The following LRRIQ1 variants were observed in gnomAD, a reference collection of about 807,000 sequenced individuals.
The protein encoded by LRRIQ1 is leucine rich repeats and IQ motif containing 1, also known as leucine-rich repeat- and IQ domain-containing protein 1.
A neutral mutation model predicts 211.9 loss-of-function variants in LRRIQ1; 210 were observed. The observed-to-expected ratio is 0.99, with a 90% confidence interval of 0.89 to 1.11. The LOEUF (loss-of-function observed/expected upper bound fraction) is 1.11. Ranked by LOEUF, LRRIQ1 falls within the 50% of genes most tolerant of loss-of-function variation. The probability of loss-of-function intolerance (pLI) is 0.00; values close to 1 mark genes in which losing one functional copy is unlikely to be tolerated. For missense variants in LRRIQ1, 2,136 were observed against 1,939.5 expected, an observed-to-expected ratio of 1.10 and a Z score of -1.90; for synonymous variants, 699 against 650.1, an observed-to-expected ratio of 1.08 and a Z score of -1.14.
At chr12:85,078,630 C>T (rs961490616) in intron 11 of LRRIQ1, among the ~76,000 whole-genome samples, 1 of 151,982 alleles carries the variant, frequency 6.6e-6, no homozygotes, top group Non-Finnish European at 1.5e-5. Context: ...TTACATGTTT[C>T]TGTTAAATTG....
intron 11 of LRRIQ1, among the ~76,000 whole-genome samples, chr12:85,087,714 A>G (rs551774504): frequency 3.3e-5 from 5 of 152,190 alleles, no homozygotes; most frequent in African/African-American, 1.2e-4. Flanking sequence ...GCATTTTTTC[A>G]TGTGTCTGTT....
At chr12:85,185,579 TTTA>T (rs1017690234) in intron 24 of LRRIQ1, among the ~76,000 whole-genome samples, 59 of 152,046 alleles carry the variant, frequency 3.9e-4, no homozygotes, top group African/African-American at 1.2e-3. Context: ...GTTTTAAACA[TTTA>T]TTATTAAATT....
At position 85,245,039 on chromosome 12, in the gene LRRIQ1, T is replaced by G. The variant is rs1593021005; in HGVS notation, c.*98T>G. On this transcript the variant is annotated 3_prime_UTR_variant, in exon 27 of 27. Coordinates refer to ENST00000393217, the MANE Select transcript of LRRIQ1 (RefSeq NM_001079910.2). ...ACCTGAACTGCCCAAAAATGTGTAT[T>G]TAAATTTTTTCTTTCTTTAAATATC... 1.4e-6 allele frequency: 2 copies of G among 1,436,762 alleles called. No homozygotes were observed. The highest frequency in any genetic ancestry group is 1.8e-6 in the Non-Finnish European group (2 of 1,086,874). The allele number at this position is 1,436,762 out of a possible 1,614,324, so 89.0% of individuals were successfully genotyped here. A position where few individuals can be genotyped will look rare whatever the true frequency, so the allele number is the denominator to read the frequency against.
chr12:85,131,025 C>T (rs751171963), intron 18 of LRRIQ1, among the ~76,000 whole-genome samples: 7 of 146,328 alleles, frequency 4.8e-5, no homozygotes, highest in South Asian at 2.2e-4. Context: ...GTCTGGCCAA[C>T]GTGGTGAAAC....
intron 24 of LRRIQ1, among the ~76,000 whole-genome samples, chr12:85,214,956 C>A (rs573521778): frequency 6.6e-6 from 1 of 152,120 alleles, no homozygotes; most frequent in South Asian, 2.1e-4. Context: ...GCACTCACAT[C>A]CAGTATAAAT....
intron 19 of LRRIQ1, among the ~76,000 whole-genome samples, chr12:85,139,706 A>G (rs961190440): frequency 1.3e-5 from 2 of 151,504 alleles, no homozygotes; most frequent in African/African-American, 2.4e-5. Flanking sequence ...TTGTAGAGAC[A>G]GAACACTATT....
Position 85,124,276 on chromosome 12 carries a change from A to C in LRRIQ1, c.3764A>C (p.Glu1255Ala), listed in dbSNP as rs752002807. ...GGAGTCTTCTACTCTTGTGCACGTG[A>C]AGGTGAGCCAGACTCACCAGATATT... ...QNGVFYSCAR[E>A]GEPDSPDIPE... The change falls in exon 17 of 27, where the codon GAA becomes GCA. Residue 1255 changes from glutamate (E) to alanine (A), a missense_variant. By Grantham distance (107) the Glu-to-Ala change is moderately radical. Transcript: ENST00000393217. 2 of 1,614,028 alleles carry C rather than the reference A, an allele frequency of 1.2e-6. No homozygotes were observed.
intron 24 of LRRIQ1, among the ~76,000 whole-genome samples, chr12:85,213,636 T>C (rs948218348): frequency 7.9e-5 from 12 of 151,988 alleles, no homozygotes; most frequent in African/African-American, 2.4e-4. Flanking sequence ...TTATGCAGGG[T>C]GTTTTCTGAA....
intron 19 of LRRIQ1, among the ~76,000 whole-genome samples, chr12:85,141,372 G>A (rs1404547623): frequency 6.6e-6 from 1 of 151,134 alleles, no homozygotes; most frequent in Non-Finnish European, 1.5e-5. Context: ...TTACTCTGCT[G>A]GTGGATTTCT....
intron 25 of LRRIQ1, among the ~76,000 whole-genome samples, chr12:85,231,402 C>T (rs1260175795): frequency 2.6e-5 from 4 of 152,012 alleles, no homozygotes; most frequent in African/African-American, 9.7e-5. Context: ...TTTTATCTTA[C>T]TAAGTATTCA....
At chr12:85,094,022 G>A (rs1053962150) in intron 11 of LRRIQ1, among the ~76,000 whole-genome samples, 1 of 152,100 alleles carries the variant, frequency 6.6e-6, no homozygotes, top group Non-Finnish European at 1.5e-5. Context: ...AAATGATGGT[G>A]GCCTTAAAAG....
At chr12:85,195,820 G>C (rs1394981926) in intron 24 of LRRIQ1, among the ~76,000 whole-genome samples, 4 of 152,216 alleles carry the variant, frequency 2.6e-5, no homozygotes, top group Non-Finnish European at 5.9e-5. Context: ...TGGAAATTCT[G>C]ACCAGGGCAA....
Position 85,148,288 on chromosome 12 carries a change from A to G in LRRIQ1, c.4330-3992A>G, listed in dbSNP as rs1054096491. Among the ~76,000 whole-genome samples, 3 of 151,630 alleles carry G rather than the reference A, an allele frequency of 2.0e-5. No homozygotes were observed. In the East Asian group the frequency reaches 5.9e-4, roughly 30 times the overall value. On this transcript the variant is annotated intron_variant, in intron 19 of 26. Transcript: ENST00000393217. ...TGCACCTATTGACCTGTCCTCACAG[A>G]TCCCTCTCCTTGCCTCCCCACCCAC...
downstream of LRRIQ1, among the ~76,000 whole-genome samples, chr12:85,248,997 CA>C (rs1440244800): frequency 6.6e-6 from 1 of 151,578 alleles, no homozygotes; most frequent in Non-Finnish European, 1.5e-5. Flanking sequence ...TAATAAGTAA[CA>C]AATGAAGATT....
intron 26 of LRRIQ1, among the ~76,000 whole-genome samples, chr12:85,235,649 A>C (rs1054779134): frequency 9.9e-5 from 15 of 152,184 alleles, no homozygotes; most frequent in Admixed American, 2.0e-4. Context: ...CAGTTTTCTC[A>C]GTGACTATCT....
chr12:85,200,776 A>G (rs1467995769), intron 24 of LRRIQ1, among the ~76,000 whole-genome samples: 1 of 152,034 alleles, frequency 6.6e-6, no homozygotes, highest in Non-Finnish European at 1.5e-5. Context: ...CTAACCTTGC[A>G]TCCCATGGAT....
At chr12:85,184,203 T>TA (rs1892122469) in intron 24 of LRRIQ1, among the ~76,000 whole-genome samples, 1 of 151,994 alleles carries the variant, frequency 6.6e-6, no homozygotes, top group African/African-American at 2.4e-5. Context: ...CTTAAATATG[T>TA]AAAAAACTTG....
Position 85,127,910 on chromosome 12 carries a change from T to C in LRRIQ1, c.4086T>C (p.His1362=). 2 of 1,614,060 alleles carry C rather than the reference T, an allele frequency of 1.2e-6. No homozygotes were observed. Among genetic ancestry groups the C allele is most frequent in the Non-Finnish European group, 8.5e-7 (1 of 1,179,990 alleles). ...RRQTHFSTRL[H]TAATEGLPNS... ...AGACTCATTTCTCCACAAGGCTACATACTGCTGCAACAGAAGGCCTGCCAA... is the reference window on the plus strand; with the variant it reads ...AGACTCATTTCTCCACAAGGCTACACACTGCTGCAACAGAAGGCCTGCCAA... Residue 1362 remains histidine, a synonymous_variant, in exon 18 of 27, where the codon CAT becomes CAC. Transcript: ENST00000393217.
intron 10 of LRRIQ1, among the ~76,000 whole-genome samples, chr12:85,069,538 C>T (rs1324314232): frequency 6.6e-6 from 1 of 152,020 alleles, no homozygotes; most frequent in East Asian, 1.9e-4. Context: ...AATGGTTGAA[C>T]TAGTTTACAG....
Sources: gnomAD v4.1 joint callset for allele counts (sites outside exome capture counted in the v4.1 genomes callset) on GRCh38, gnomAD v4.1.1 for gene constraint, MANE v1.5 for transcripts, NCBI Gene and HGNC (gene_info 2026-07-23, HGNC 2026-07-21) for gene names.